The following PRMT8 variants were observed in gnomAD, a reference collection of about 807,000 sequenced individuals.
PRMT8 encodes protein arginine methyltransferase 8.
PRMT8 carries 7 observed loss-of-function variants against 47.1 expected under a neutral mutation model. That is an observed-to-expected ratio of 0.15 (90% CI 0.08 to 0.28). PRMT8 has a LOEUF of 0.28. Ranked by LOEUF, PRMT8 falls within the 10% of genes least tolerant of loss-of-function variation. The pLI, the probability that PRMT8 is intolerant of heterozygous loss-of-function variation, is 1.00. For missense variants in PRMT8, 237 were observed against 505.4 expected (o/e 0.47, Z 5.09); for synonymous variants, 188 against 186.5 (o/e 1.01, Z -0.07).
intron 1 of PRMT8, among the ~76,000 whole-genome samples, chr12:3,460,479 CT>C (rs1184582412): frequency 2.0e-5 from 3 of 151,980 alleles, no homozygotes; most frequent in African/African-American, 2.4e-5. Context: ...CCAAAACTGC[CT>C]AGTTTTGTGA....
At chr12:3,579,771 C>A (rs1867018911) in intron 7 of PRMT8, among the ~76,000 whole-genome samples, 1 of 152,158 alleles carries the variant, frequency 6.6e-6, no homozygotes. Context: ...AATTAAGGTT[C>A]TATTTTAACC....
intron 1 of PRMT8, among the ~76,000 whole-genome samples, chr12:3,382,091 C>T (rs1003835301): frequency 3.3e-5 from 5 of 152,142 alleles, no homozygotes; most frequent in African/African-American, 1.2e-4. Context: ...GAGTGGTATT[C>T]CATCTTGCAG....
intron 1 of PRMT8, among the ~76,000 whole-genome samples, chr12:3,461,093 A>G (rs1417070465): frequency 6.6e-6 from 1 of 152,138 alleles, no homozygotes; most frequent in Non-Finnish European, 1.5e-5. Context: ...TCAGCTGTTT[A>G]TTTATTCATC....
chr12:3,401,983 T>TA (rs1864321904), intron 1 of PRMT8, among the ~76,000 whole-genome samples: 1 of 152,156 alleles, frequency 6.6e-6, no homozygotes, highest in Non-Finnish European at 1.5e-5. Context: ...AAAACTATTT[T>TA]AAAATTCATA....
intron 1 of PRMT8, among the ~76,000 whole-genome samples, chr12:3,461,302 C>G (rs1388246892): frequency 6.6e-6 from 1 of 152,176 alleles, no homozygotes; most frequent in African/African-American, 2.4e-5. Flanking sequence ...CAGCAGGAAG[C>G]TCTACTTTGG....
intron 1 of PRMT8, among the ~76,000 whole-genome samples, chr12:3,398,736 G>A (rs1379137472): frequency 1.3e-5 from 2 of 152,178 alleles, no homozygotes; most frequent in Non-Finnish European, 2.9e-5. Context: ...GATGTGTTGT[G>A]CCCCTGGGTG....
chr12:3,521,832 A>T (rs1591582739), intron 1 of PRMT8, among the ~76,000 whole-genome samples: 1 of 152,184 alleles, frequency 6.6e-6, no homozygotes, highest in African/African-American at 2.4e-5. Context: ...TCTCCCTCCC[A>T]ACTGCCACTG....
chr12:3,458,448 C>T (rs757987825), intron 1 of PRMT8, among the ~76,000 whole-genome samples: 6 of 152,158 alleles, frequency 3.9e-5, no homozygotes, highest in Admixed American at 6.5e-5. Flanking sequence ...CCCACCTTGA[C>T]GAGAGGAGGC....
chr12:3,465,620 T>C (rs939370838), intron 1 of PRMT8, among the ~76,000 whole-genome samples: 7 of 152,146 alleles, frequency 4.6e-5, no homozygotes, highest in Non-Finnish European at 8.8e-5. Flanking sequence ...TTTGAAGGCA[T>C]AGGGAGTCAT....
chr12:3,491,832 CTGTGTGTG>C lies in PRMT8; in HGVS notation c.75+182_75+189del, dbSNP rs531683101. ...CCCGCTCGCTTCTGCCGGCCTCCTC[CTGTGTGTG>C]TGTGTGTGTGTGTGTGTGTGTGTGT... is the stretch of plus-strand genomic sequence containing the variant. On this transcript the variant is annotated intron_variant, in intron 1 of 9. Transcript: ENST00000382622. The C allele has an allele frequency of 4.0e-3, 2,159 of 536,216 alleles. 111 individuals carry two copies. The highest frequency in any genetic ancestry group is 0.022 in the African/African-American group (421 of 19,248). The allele number at this position is 536,216 out of a possible 1,614,324, so 33.2% of individuals were successfully genotyped here.
chr12:3,505,515 C>G (rs1179587492), intron 1 of PRMT8, among the ~76,000 whole-genome samples: 1 of 152,200 alleles, frequency 6.6e-6, no homozygotes, highest in African/African-American at 2.4e-5. Flanking sequence ...ATAGCAAGAG[C>G]TACCATTTTA....
intron 1 of PRMT8, among the ~76,000 whole-genome samples, chr12:3,481,816 T>C (rs1451501061): frequency 3.9e-5 from 6 of 152,324 alleles, no homozygotes; most frequent in African/African-American, 9.6e-5. Context: ...TGGTGATACT[T>C]GAGCTCCTCT....
At chr12:3,568,200 A>G (rs1591607184) in intron 4 of PRMT8, among the ~76,000 whole-genome samples, 1 of 152,320 alleles carries the variant, frequency 6.6e-6, no homozygotes, top group South Asian at 2.1e-4. Context: ...TTTACCACTC[A>G]CTGAGTGGAG....
intron 1 of PRMT8, among the ~76,000 whole-genome samples, chr12:3,506,489 T>G (rs4766131): frequency 0.98 from 149,840 of 152,164 alleles, 73,822 homozygotes; most frequent in East Asian, 1. Flanking sequence ...CTGAAGACAG[T>G]GCTCTTTAGC....
rs1865661509 is a variant in PRMT8, at chr12:3,508,298, C to T, written c.75+16598C>T. ...GGATGTTTCTGTGTGGGGATATGTA[C>T]ACGCTTCTGAGTCAGTAGGTGCGTC... On this transcript the variant is annotated intron_variant, in intron 1 of 9. Transcript: ENST00000382622. This position sits in a 1 kb window ranked among gnomAD's most constrained non-coding sequence, Gnocchi z 4.9. Among the ~76,000 whole-genome samples, 1 of 152,128 alleles carries T rather than the reference C, an allele frequency of 6.6e-6. No individual in the cohort carries two copies. The highest frequency in any genetic ancestry group is 1.5e-5 in the Non-Finnish European group (1 of 68,020).
At chr12:3,445,471 A>G (rs1397509588) in intron 1 of PRMT8, among the ~76,000 whole-genome samples, 1 of 152,232 alleles carries the variant, frequency 6.6e-6, no homozygotes, top group African/African-American at 2.4e-5. Flanking sequence ...TAATATTTGT[A>G]AAACTTAGCC....
intron 1 of PRMT8, among the ~76,000 whole-genome samples, chr12:3,483,732 T>G (rs1865296621): frequency 6.6e-6 from 1 of 152,250 alleles, no homozygotes; most frequent in South Asian, 2.1e-4. Flanking sequence ...GGTAGAAATT[T>G]TATTTGCATG....
intron 2 of PRMT8, among the ~76,000 whole-genome samples, chr12:3,541,662 C>G (rs1315832950): frequency 6.6e-6 from 1 of 152,224 alleles, no homozygotes; most frequent in Non-Finnish European, 1.5e-5. Context: ...GATCTTCCTT[C>G]CACGTACTCA....
At chr12:3,438,446 G>C (rs114058490) in intron 1 of PRMT8, among the ~76,000 whole-genome samples, 1,726 of 152,314 alleles carry the variant, frequency 0.011, 38 homozygotes, top group African/African-American at 0.04. Flanking sequence ...TTCTTCTCAT[G>C]ACACCTGCTT....
Sources: allele counts gnomAD v4.1 joint callset (sites outside exome capture counted in the v4.1 genomes callset), GRCh38; gene constraint gnomAD v4.1.1; non-coding constraint Gnocchi (gnomAD v3.1); transcripts MANE v1.5; gene names NCBI Gene and HGNC (gene_info 2026-07-23, HGNC 2026-07-21).